SLC39A14: variants seen among roughly 807,000 people sequenced by gnomAD.
SLC39A14 encodes the protein metal cation symporter ZIP14.
A neutral mutation model predicts 45.5 loss-of-function variants in SLC39A14; 19 were observed. The ratio of observed to expected loss-of-function variants is 0.42; its 90% CI spans 0.29 to 0.61. The LOEUF (loss-of-function observed/expected upper bound fraction) is 0.61. Ranked by LOEUF, SLC39A14 falls within the 20% of genes least tolerant of loss-of-function variation. The pLI is 0.22. For synonymous variants in SLC39A14, 264 were observed against 251.3 expected (o/e 1.05, Z -0.48); for missense variants, 447 against 616.5 (o/e 0.73, Z 2.91).
intron 1 of SLC39A14, among the ~76,000 whole-genome samples, chr8:22,397,552 T>TGGGCGAAAGAGC (rs375771386): frequency 9.2e-5 from 14 of 151,402 alleles, no homozygotes; most frequent in South Asian, 4.2e-4. Context: ...CACTCCGGCC[T>TGGGCGAAAGAGC]GGGCGAAAGA....
At chr8:22,409,966 A>T in intron 3 of SLC39A14, 1 of 1,613,894 alleles carries the variant, frequency 6.2e-7, no homozygotes, top group Admixed American at 1.7e-5. Flanking sequence ...TGGTTTTCTC[A>T]GTGTCTCACT....
chr8:22,395,432 G>T (rs1834331607), intron 1 of SLC39A14, among the ~76,000 whole-genome samples: 1 of 152,122 alleles, frequency 6.6e-6, no homozygotes, highest in Non-Finnish European at 1.5e-5. Context: ...AACTTTCCTT[G>T]AGCCATTTAT....
rs767298374 is a variant in SLC39A14 at position 22,404,998 on chromosome 8, G to T, written c.270+18G>T. On this transcript the variant is annotated intron_variant, in intron 2 of 8. Coordinates refer to ENST00000381237, the MANE Select transcript of SLC39A14 (RefSeq NM_001128431.4). ...TCTCCACGGTAAGGCTCCCCTGTGA[G>T]CCAGCAGCTCTGCTCAGCCCCGTCT... is the stretch of plus-strand genomic sequence containing the variant. 5 of 1,609,294 alleles carry T rather than the reference G, an allele frequency of 3.1e-6. 1 individual carries two copies. The South Asian group carries it at 5.5e-5, about 18-fold the overall frequency.
At chr8:22,382,878 G>A (rs556132174) in intron 1 of SLC39A14, among the ~76,000 whole-genome samples, 10 of 150,238 alleles carry the variant, frequency 6.7e-5, no homozygotes, top group African/African-American at 1.2e-4. Flanking sequence ...CCATGCCCCC[G>A]CTAATTTTTT....
At chr8:22,418,102 C>CTCT (rs1835996418) in intron 8 of SLC39A14, among the ~76,000 whole-genome samples, 1 of 152,084 alleles carries the variant, frequency 6.6e-6, no homozygotes, top group African/African-American at 2.4e-5. Context: ...GGGGTTTCCC[C>CTCT]ATATTGGCCA....
chr8:22,392,575 CAG>C (rs1251768672), intron 1 of SLC39A14, among the ~76,000 whole-genome samples: 3 of 152,182 alleles, frequency 2.0e-5, no homozygotes, highest in Non-Finnish European at 4.4e-5. Flanking sequence ...ACTTGGACGA[CAG>C]GGAGAATTTT....
intron 1 of SLC39A14, among the ~76,000 whole-genome samples, chr8:22,392,239 T>A (rs1270129669): frequency 6.6e-6 from 1 of 152,114 alleles, no homozygotes; most frequent in Non-Finnish European, 1.5e-5. Flanking sequence ...GATGGGGAAC[T>A]AGGAAGGTGC....
intron 1 of SLC39A14, among the ~76,000 whole-genome samples, chr8:22,372,682 C>G (rs191520983): frequency 1.4e-4 from 21 of 152,210 alleles, no homozygotes; most frequent in Admixed American, 6.5e-5. Flanking sequence ...TATTATTTTT[C>G]CATTTGCAAC....
At chr8:22,371,894 G>T (rs1225046016) in intron 1 of SLC39A14, among the ~76,000 whole-genome samples, 1 of 150,978 alleles carries the variant, frequency 6.6e-6, no homozygotes, top group Non-Finnish European at 1.5e-5. Flanking sequence ...ATAGGCGCCC[G>T]CCACCACGCC....
At chr8:22,397,471 G>A (rs2132274359) in intron 1 of SLC39A14, among the ~76,000 whole-genome samples, 1 of 152,260 alleles carries the variant, frequency 6.6e-6, no homozygotes, top group South Asian at 2.1e-4. Context: ...CCAGCTACTC[G>A]GGAGGCTGAG....
intron 8 of SLC39A14, among the ~76,000 whole-genome samples, chr8:22,432,438 C>G (rs1836480744): frequency 6.6e-6 from 1 of 151,892 alleles, no homozygotes; most frequent in South Asian, 2.1e-4. Flanking sequence ...CCTTCTCTCT[C>G]TCTTCTCCCT....
At chr8:22,403,327 T>C (rs1435410045) in intron 1 of SLC39A14, among the ~76,000 whole-genome samples, 1 of 151,022 alleles carries the variant, frequency 6.6e-6, no homozygotes, top group Non-Finnish European at 1.5e-5. Flanking sequence ...TCGCCCAGGC[T>C]GGAGTGCAAT....
rs1836280084 is a variant in SLC39A14, at chr8:22,422,416, G to A, written c.*2718G>A. ...AAAAGAAGGCTTCTCTGTTTGGGTA[G>A]CGTAAGAGCTGAGTATAGTAAGTCC... On this transcript the variant is annotated 3_prime_UTR_variant, in exon 9 of 9. Transcript: ENST00000381237. 4.1e-6 allele frequency: 4 copies of A among 985,848 alleles called. No individual in the cohort carries two copies. The highest frequency in any genetic ancestry group is 2.4e-6 in the Non-Finnish European group (2 of 829,934). 61.1% of individuals were successfully genotyped at this position (985,848 alleles called of 1,614,324 possible).
intron 1 of SLC39A14, among the ~76,000 whole-genome samples, chr8:22,388,663 G>T (rs572902632): frequency 1.3e-5 from 2 of 152,092 alleles, no homozygotes; most frequent in African/African-American, 4.8e-5. Context: ...GCCTGGAATC[G>T]TAGGGGGATG....
chr8:22,411,855 TCTCC>T, intron 3 of SLC39A14, 178 bp from the exon 4 acceptor site: 1 of 575,716 alleles, frequency 1.7e-6, no homozygotes, highest in Non-Finnish European at 3.1e-6. Context: ...TCTATTTCTC[TCTCC>T]CTCCCTACTT....
intron 3 of SLC39A14, among the ~76,000 whole-genome samples, chr8:22,411,373 A>G (rs1463465349): frequency 6.6e-6 from 1 of 152,228 alleles, no homozygotes; most frequent in East Asian, 1.9e-4. Context: ...CTCTCAGAGC[A>G]CATGGAAATG....
chr8:22,406,705 A>T (rs1341995777), intron 2 of SLC39A14, among the ~76,000 whole-genome samples: 4 of 152,120 alleles, frequency 2.6e-5, no homozygotes, highest in Non-Finnish European at 5.9e-5. Flanking sequence ...AATAAAAATT[A>T]AAAAAAGGGA....
intron 1 of SLC39A14, among the ~76,000 whole-genome samples, chr8:22,394,696 C>T (rs758640040): frequency 1.3e-5 from 2 of 152,138 alleles, no homozygotes; most frequent in Non-Finnish European, 2.9e-5. Flanking sequence ...CATTCCTGAG[C>T]TCTCCGTATT....
chr8:22,404,126 C>T (rs543377539), intron 1 of SLC39A14, among the ~76,000 whole-genome samples: 1 of 151,784 alleles, frequency 6.6e-6, no homozygotes, highest in Non-Finnish European at 1.5e-5. Context: ...AAAACGACTT[C>T]TAAAAAATCA....
Sources: gnomAD v4.1 joint callset for allele counts (sites outside exome capture counted in the v4.1 genomes callset) on GRCh38, gnomAD v4.1.1 for gene constraint, MANE v1.5 for transcripts, NCBI Gene and HGNC (gene_info 2026-07-23, HGNC 2026-07-21) for gene names.